The following PLCE1 variants were observed in gnomAD, a reference collection of about 807,000 sequenced individuals.
PLCE1 encodes the protein phospholipase C epsilon 1.
A neutral mutation model predicts 242.8 loss-of-function variants in PLCE1; 119 were observed. The observed-to-expected ratio is 0.49, with a 90% CI of 0.42 to 0.57. The LOEUF (loss-of-function observed/expected upper bound fraction) is 0.57, where lower values mean the gene tolerates loss of function less well. Ranked by LOEUF, PLCE1 falls within the 20% of genes least tolerant of loss-of-function variation. The pLI, the probability that PLCE1 is intolerant of heterozygous loss-of-function variation, is 0.00. For synonymous variants in PLCE1, 945 were observed against 1,017.4 expected (o/e 0.93, Z 1.35); for missense variants, 2,441 against 2,788.8 (o/e 0.88, Z 2.81).
intron 4 of PLCE1, among the ~76,000 whole-genome samples, chr10:94,219,472 T>C (rs1212634240): frequency 2.0e-5 from 3 of 152,172 alleles, no homozygotes; most frequent in Admixed American, 6.5e-5. Context: ...GGCTCATATC[T>C]TTACAGTTTA....
At position 94,332,446 on chromosome 10, in the gene PLCE1, G is replaced by C. The variant is rs987686586; in HGVS notation, c.*4503G>C. The C allele has an allele frequency of 6.6e-6, 1 of 151,518 alleles. No homozygotes were observed. Among genetic ancestry groups the C allele is most frequent in the Non-Finnish European group, 1.5e-5 (1 of 67,974 alleles). The allele number at this position is 151,518 out of a possible 1,614,324, so 9.4% of individuals were successfully genotyped here. On this transcript the variant is annotated 3_prime_UTR_variant, in exon 33 of 33. Coordinates refer to ENST00000371380, the MANE Select transcript of PLCE1 (RefSeq NM_016341.4). ...AACACACAGTAGGTGCTCATTATTT[G>C]TCTAGTTAAAAAACAAATTAAGGCT...
rs549778619 is a variant in PLCE1, at chr10:93,994,215, C to G, written c.-408C>G. On this transcript the variant is annotated 5_prime_UTR_variant, in exon 1 of 33. Transcript: ENST00000371380. ...GCGCGGACGGCTGGTCCCAGAGGGA[C>G]GCTGCGCTTGGGGACGCCGGCGAGA... Among the ~76,000 whole-genome samples the G allele has an allele frequency of 2.6e-5, 4 of 152,166 alleles. No homozygotes were observed. The highest frequency in any genetic ancestry group is 6.5e-5 in the Admixed American group (1 of 15,284).
chr10:94,004,709 A>G (rs926179902), intron 1 of PLCE1, among the ~76,000 whole-genome samples: 1 of 151,992 alleles, frequency 6.6e-6, no homozygotes, highest in African/African-American at 2.4e-5. Context: ...TTTCTCATCC[A>G]TTCATCACTG....
At chr10:94,132,796 A>G (rs2046643998) in intron 3 of PLCE1, among the ~76,000 whole-genome samples, 16 of 152,088 alleles carry the variant, frequency 1.1e-4, no homozygotes, top group Admixed American at 1.0e-3. Context: ...TAAAAATACA[A>G]AAAGTTAGCT....
intron 11 of PLCE1, among the ~76,000 whole-genome samples, chr10:94,257,932 A>G (rs912791891): frequency 6.6e-6 from 1 of 152,182 alleles, no homozygotes; most frequent in Non-Finnish European, 1.5e-5. Context: ...TAAAAAATAG[A>G]TCCTGTTCAT....
intron 3 of PLCE1, among the ~76,000 whole-genome samples, chr10:94,151,821 T>C (rs2047284826): frequency 6.6e-6 from 1 of 152,180 alleles, no homozygotes; most frequent in African/African-American, 2.4e-5. Flanking sequence ...CTTAAAGTTG[T>C]AGTTTCCCAA....
rs114124771 is a variant in PLCE1 at position 94,274,882 on chromosome 10, G to A, written c.4665+1162G>A. Among the ~76,000 whole-genome samples, 962 of 152,230 alleles carry A rather than the reference G, an allele frequency of 6.3e-3. 16 individuals are homozygous for A. Among genetic ancestry groups the A allele is most frequent in the African/African-American group, 0.022 (914 of 41,536 alleles). On this transcript the variant is annotated intron_variant, in intron 19 of 32. Coordinates refer to ENST00000371380, the MANE Select transcript of PLCE1 (RefSeq NM_016341.4). ...TTGTTACAAAGTTATTTAAATGTTA[G>A]CATGTATACTCTACCTTGCCTTCCT...
At chr10:94,223,093 G>A (rs1481207673) in intron 4 of PLCE1, among the ~76,000 whole-genome samples, 1 of 152,020 alleles carries the variant, frequency 6.6e-6, no homozygotes. Flanking sequence ...TAAAGGATGA[G>A]TAGGGTTCAA....
intron 4 of PLCE1, among the ~76,000 whole-genome samples, chr10:94,178,642 AAAG>A (rs368077614): frequency 7.5e-4 from 115 of 152,342 alleles, no homozygotes; most frequent in African/African-American, 2.7e-3. Flanking sequence ...CCATCTGGTC[AAAG>A]AAGAGCCGTT....
At chr10:94,022,020 T>C (rs2061384115) in intron 1 of PLCE1, among the ~76,000 whole-genome samples, 1 of 152,018 alleles carries the variant, frequency 6.6e-6, no homozygotes, top group Admixed American at 6.6e-5. Context: ...CTCTTAGTAC[T>C]TAGCATCATA....
chr10:94,297,455 T>C (rs2052870038), intron 23 of PLCE1, among the ~76,000 whole-genome samples: 1 of 151,402 alleles, frequency 6.6e-6, no homozygotes, highest in Non-Finnish European at 1.5e-5. Context: ...ACAGATATAA[T>C]AATAATGTTT....
intron 2 of PLCE1, chr10:94,100,338 GTA>G (rs2045484733): frequency 6.6e-6 from 1 of 152,102 alleles, no homozygotes; most frequent in Non-Finnish European, 1.5e-5. Flanking sequence ...TAAATCAGGG[GTA>G]CCACAGAGTT....
rs540813099 is a variant in PLCE1 at position 94,126,443 on chromosome 10, C to T, written c.1207-5731C>T. Among the ~76,000 whole-genome samples the T allele has an allele frequency of 2.2e-4, 33 of 152,260 alleles. No homozygotes were observed. The East Asian group carries it at 4.8e-3, about 22-fold the overall frequency. On this transcript the variant is annotated intron_variant, in intron 2 of 32. Transcript: ENST00000371380. ...ACAATTTTTTACTAATTTATTTGGT[C>T]TACTTGTTTATTGTCTGCCTTCCCC...
At chr10:94,277,268 C>T (rs186293094) in intron 19 of PLCE1, among the ~76,000 whole-genome samples, 39 of 152,246 alleles carry the variant, frequency 2.6e-4, no homozygotes, top group African/African-American at 8.2e-4. Context: ...ACAGACACTG[C>T]GGCTAGGTAC....
chr10:94,008,900 C>T (rs902840194), intron 1 of PLCE1, among the ~76,000 whole-genome samples: 8 of 152,032 alleles, frequency 5.3e-5, no homozygotes, highest in African/African-American at 1.7e-4. Context: ...GAGGCTGAGC[C>T]GTGTGTATGG....
At chr10:94,179,654 C>T (rs80189489) in intron 4 of PLCE1, among the ~76,000 whole-genome samples, 4,959 of 151,272 alleles carry the variant, frequency 0.033, 232 homozygotes, top group African/African-American at 0.1. Context: ...TACAGGTGCA[C>T]ACCACCTCGC....
At chr10:94,159,718 T>G (rs1275074174) in intron 3 of PLCE1, among the ~76,000 whole-genome samples, 1 of 152,178 alleles carries the variant, frequency 6.6e-6, no homozygotes, top group Non-Finnish European at 1.5e-5. Flanking sequence ...GCTGCACCCA[T>G]TATCTCGTCA....
chr10:94,196,856 A>G (rs932939112), intron 4 of PLCE1, among the ~76,000 whole-genome samples: 1 of 152,164 alleles, frequency 6.6e-6, no homozygotes, highest in African/African-American at 2.4e-5. Flanking sequence ...ATACTGTATA[A>G]TACATACATT....
intron 17 of PLCE1, among the ~76,000 whole-genome samples, chr10:94,270,044 T>C (rs1453067089): frequency 6.6e-6 from 1 of 152,252 alleles, no homozygotes; most frequent in Non-Finnish European, 1.5e-5. Flanking sequence ...TATATTGGCA[T>C]GGGCATGAGT....
Sources: allele counts gnomAD v4.1 joint callset (sites outside exome capture counted in the v4.1 genomes callset), GRCh38; gene constraint gnomAD v4.1.1; transcripts MANE v1.5; gene names NCBI Gene and HGNC (gene_info 2026-07-23, HGNC 2026-07-21).